The following SLC15A5 variants were observed in gnomAD, a reference collection of about 807,000 sequenced individuals.
The protein encoded by SLC15A5 is solute carrier family 15 member 5.
Under a neutral mutation model 56.1 loss-of-function variants are expected in SLC15A5, and 58 were observed. The observed-to-expected ratio is 1.03, with a 90% confidence interval of 0.84 to 1.29. The LOEUF (loss-of-function observed/expected upper bound fraction) is 1.29. Among genes scored for constraint, SLC15A5 ranks in the 50% most tolerant of loss-of-function variants. The pLI, the probability that SLC15A5 is intolerant of heterozygous loss-of-function variation, is 0.00. For missense variants in SLC15A5, 681 were observed against 672.1 expected, an observed-to-expected ratio of 1.01 and a Z score of -0.15; for synonymous variants, 264 against 250.5, an observed-to-expected ratio of 1.05 and a Z score of -0.51.
At chr12:16,213,530 A>G (rs1864102949) in intron 7 of SLC15A5, among the ~76,000 whole-genome samples, 1 of 152,192 alleles carries the variant, frequency 6.6e-6, no homozygotes, top group Non-Finnish European at 1.5e-5. Context: ...CTCAGGTTAT[A>G]TCTCAAAGTA....
At chr12:16,220,534 G>A (rs1234686609) in intron 6 of SLC15A5, among the ~76,000 whole-genome samples, 2 of 152,202 alleles carry the variant, frequency 1.3e-5, no homozygotes, top group Non-Finnish European at 2.9e-5. Flanking sequence ...GCCAGCTATG[G>A]TCAGGTAATA....
intron 7 of SLC15A5, among the ~76,000 whole-genome samples, chr12:16,216,191 C>T (rs926513109): frequency 5.3e-5 from 8 of 151,978 alleles, no homozygotes; most frequent in East Asian, 1.9e-4. Context: ...AAAGATATAT[C>T]GACATTTTAG....
chr12:16,222,452 C>T (rs1343565364), intron 6 of SLC15A5, among the ~76,000 whole-genome samples: 1 of 149,004 alleles, frequency 6.7e-6, no homozygotes, highest in African/African-American at 2.4e-5. Context: ...CTTACCCTAT[C>T]AATGCTGTGA....
chr12:16,257,884 A>G lies in SLC15A5; in HGVS notation c.585-14T>C. 7.1e-7 allele frequency: 1 copy of G among 1,405,316 alleles called. No individual in the cohort carries two copies. Among genetic ancestry groups the G allele is most frequent in the Admixed American group, 3.4e-5 (1 of 29,840 alleles). The allele number at this position is 1,405,316 out of a possible 1,614,324, so 87.1% of individuals were successfully genotyped here. ...AGCCAATAAAACCTGGGGTATACAG[A>G]CAGACAAAAATAAAAATACCATTGA... On this transcript the variant is annotated splice_polypyrimidine_tract_variant and intron_variant, in intron 2 of 8. Coordinates refer to ENST00000344941, the MANE Select transcript of SLC15A5 (RefSeq NM_001170798.1).
intron 5 of SLC15A5, among the ~76,000 whole-genome samples, chr12:16,236,886 A>ACGT (rs1366201937): frequency 2.0e-5 from 3 of 152,232 alleles, no homozygotes; most frequent in Non-Finnish European, 4.4e-5. Context: ...TCTAACAGCT[A>ACGT]CGTTTAGCCG....
chr12:16,256,492 C>G (rs1012019626), intron 3 of SLC15A5, among the ~76,000 whole-genome samples: 1 of 152,160 alleles, frequency 6.6e-6, no homozygotes, highest in Non-Finnish European at 1.5e-5. Context: ...AGGGAAAGCA[C>G]TATGAGGATG....
intron 6 of SLC15A5, among the ~76,000 whole-genome samples, chr12:16,223,642 GC>G (rs1864210311): frequency 6.6e-6 from 1 of 151,832 alleles, no homozygotes. Context: ...TGGAAAATTG[GC>G]TTAAATTTTC....
intron 2 of SLC15A5, among the ~76,000 whole-genome samples, chr12:16,260,619 T>C (rs921495196): frequency 2.0e-5 from 3 of 152,062 alleles, no homozygotes; most frequent in Non-Finnish European, 4.4e-5. Flanking sequence ...CCTTTTCATT[T>C]TCTCAATGAT....
intron 2 of SLC15A5, among the ~76,000 whole-genome samples, chr12:16,262,329 C>T (rs1271180010): frequency 1.3e-5 from 2 of 152,130 alleles, no homozygotes; most frequent in African/African-American, 4.8e-5. Context: ...CCTCTCATTC[C>T]TCTCATCACA....
chr12:16,215,218 AAAAAAAAAAAAC>A (rs1192188273), intron 7 of SLC15A5, among the ~76,000 whole-genome samples: 7 of 144,858 alleles, frequency 4.8e-5, no homozygotes, highest in Admixed American at 1.4e-4. Context: ...AAAAAAAAAA[AAAAAAAAAAAAC>A]CAAAGTGAGG....
At chr12:16,220,811 AT>A (rs982132359) in intron 6 of SLC15A5, among the ~76,000 whole-genome samples, 3 of 152,112 alleles carry the variant, frequency 2.0e-5, no homozygotes, top group African/African-American at 7.2e-5. Context: ...AATGGCAGAA[AT>A]TTTTGTCTTA....
rs1412334826 is a variant in SLC15A5 at position 16,196,862 on chromosome 12, T to G, written c.1484-2409A>C. The stretch of plus-strand genomic sequence containing the variant: ...ATATTTTAAAGAAATTGTTTCATTA[T>G]GGCAAATACCAGCCTTTTGGGAGAT... On this transcript the variant is annotated intron_variant, in intron 7 of 8. Transcript: ENST00000344941. The surrounding 1 kb of genome is among the most constrained non-coding windows in gnomAD (Gnocchi z 4.0). 6.6e-6 allele frequency among the ~76,000 whole-genome samples: 1 copy of G among 152,088 alleles called. No homozygotes were observed. Among genetic ancestry groups the G allele is most frequent in the East Asian group, 1.9e-4 (1 of 5,178 alleles).
chr12:16,229,265 T>A (rs567895778), intron 5 of SLC15A5, among the ~76,000 whole-genome samples: 11 of 152,244 alleles, frequency 7.2e-5, no homozygotes, highest in Non-Finnish European at 1.6e-4. Flanking sequence ...TGCTTGTTAC[T>A]TCAGTCTAAT....
intron 4 of SLC15A5, among the ~76,000 whole-genome samples, chr12:16,240,796 G>T (rs1308485184): frequency 2.0e-5 from 3 of 151,638 alleles, no homozygotes; most frequent in African/African-American, 7.3e-5. Context: ...AGCTTCATCA[G>T]CTTCATCATG....
intron 2 of SLC15A5, among the ~76,000 whole-genome samples, chr12:16,270,625 A>G (rs1591662731): frequency 1.3e-5 from 2 of 152,198 alleles, no homozygotes; most frequent in African/African-American, 4.8e-5. Flanking sequence ...AAGTGATACA[A>G]TAGCTCTCCA....
intron 7 of SLC15A5, among the ~76,000 whole-genome samples, chr12:16,205,562 C>T (rs1409809432): frequency 0.02 from 28 of 1,376 alleles, 1 homozygote; most frequent in African/African-American, 0.068. Flanking sequence ...ATATATATTC[C>T]ATAAGAAGGG....
At chr12:16,198,340 T>C (rs1452655319) in intron 7 of SLC15A5, among the ~76,000 whole-genome samples, 3 of 152,196 alleles carry the variant, frequency 2.0e-5, no homozygotes, top group African/African-American at 7.2e-5. Flanking sequence ...GTAATTATTC[T>C]GGAGCATTAG....
chr12:16,241,679 G>A (rs1864416128), intron 4 of SLC15A5, among the ~76,000 whole-genome samples: 1 of 152,188 alleles, frequency 6.6e-6, no homozygotes. Flanking sequence ...AATGAATGAT[G>A]TGTTTTAACA....
At chr12:16,260,086 G>A (rs906922415) in intron 2 of SLC15A5, among the ~76,000 whole-genome samples, 5 of 152,182 alleles carry the variant, frequency 3.3e-5, no homozygotes, top group Non-Finnish European at 7.3e-5. Context: ...GAATATGCAG[G>A]GGAGGCAGTG....
Sources: allele counts gnomAD v4.1 joint callset (sites outside exome capture counted in the v4.1 genomes callset), GRCh38; gene constraint gnomAD v4.1.1; non-coding constraint Gnocchi (gnomAD v3.1); transcripts MANE v1.5; gene names NCBI Gene and HGNC (gene_info 2026-07-23, HGNC 2026-07-21).